The following DNAH7 variants were observed in gnomAD, a reference collection of about 807,000 sequenced individuals.
DNAH7 encodes the protein axonemal beta dynein heavy chain 7.
Under a neutral mutation model 444.6 loss-of-function variants are expected in DNAH7, and 397 were observed. The ratio of observed to expected loss-of-function variants is 0.89; its 90% confidence interval spans 0.82 to 0.97. DNAH7 has a LOEUF of 0.97. Ranked by LOEUF, DNAH7 falls within the 50% of genes least tolerant of loss-of-function variation. The probability of loss-of-function intolerance (pLI) is 0.00; values close to 1 mark genes in which losing one functional copy is unlikely to be tolerated. For synonymous variants in DNAH7, 1,636 were observed against 1,624.4 expected (o/e 1.01, Z -0.17); for missense variants, 4,902 against 4,800.8 (o/e 1.02, Z -0.62).
At chr2:195,742,373 A>G (rs1693096425) in intron 63 of DNAH7, among the ~76,000 whole-genome samples, 1 of 152,222 alleles carries the variant, frequency 6.6e-6, no homozygotes, top group Non-Finnish European at 1.5e-5. Flanking sequence ...AACATTGCCC[A>G]ACAAATTTCT....
chr2:196,018,993 G>T (rs1031591259), intron 9 of DNAH7, among the ~76,000 whole-genome samples, 177 bp downstream of exon 9: 14 of 151,970 alleles, frequency 9.2e-5, no homozygotes, highest in Non-Finnish European at 1.3e-4. Flanking sequence ...TAGAAAAGCA[G>T]TGTTCACTTT....
At chr2:195,820,673 T>C (rs1350503479) in intron 49 of DNAH7, among the ~76,000 whole-genome samples, 3 of 152,146 alleles carry the variant, frequency 2.0e-5, no homozygotes, top group Non-Finnish European at 4.4e-5. Flanking sequence ...GTCCAAAACT[T>C]TTAAACACAT....
At chr2:195,982,258 GCAAAT>G (rs1369188436) in intron 15 of DNAH7, among the ~76,000 whole-genome samples, 1 of 152,126 alleles carries the variant, frequency 6.6e-6, no homozygotes, top group Admixed American at 6.5e-5. Context: ...TCAGAGAAAT[GCAAAT>G]CAAAACTACA....
At chr2:195,923,925 GT>G in intron 22 of DNAH7, 118 bp from the exon 23 acceptor site, 1 of 940,406 alleles carries the variant, frequency 1.1e-6, no homozygotes, top group African/African-American at 1.7e-5. Flanking sequence ...AACTTTCCAT[GT>G]AATACAATTT....
At chr2:195,792,780 G>T (rs76575212) in intron 57 of DNAH7, among the ~76,000 whole-genome samples, 1,572 of 152,016 alleles carry the variant, frequency 0.01, 35 homozygotes, top group East Asian at 0.067. Flanking sequence ...TAATTTACAT[G>T]CACCTGATGT....
At chr2:196,053,713 T>C (rs191091907) in intron 2 of DNAH7, among the ~76,000 whole-genome samples, 66 of 152,342 alleles carry the variant, frequency 4.3e-4, no homozygotes, top group African/African-American at 1.6e-3. Context: ...AAGCCCCCTG[T>C]TGAAGTAGGC....
In DNAH7 at chr2:195,970,066, A is replaced by T. The variant is rs200511593; in HGVS notation, c.2087T>A (p.Leu696Ter). Residue 696 changes from leucine (L) to a stop codon, truncating the protein, a stop_gained, in exon 17 of 65, where the codon TTG (leucine) becomes TAG (stop). Transcript: ENST00000312428. LOFTEE classifies it high-confidence loss of function. The stretch of plus-strand genomic sequence containing the variant: ...TTCTGATTGCTTAGCATAACTCTCC[A>T]ATTCCTCCACAAACCGTTCACACCG... Reference protein sequence around the residue: ...KLRCERFVEELESYAKQSEEF... With the variant: ...KLRCERFVEE The T allele has an allele frequency of 8.7e-6, 14 of 1,611,998 alleles. No individual in the cohort carries two copies. In the African/African-American group the frequency reaches 1.5e-4, roughly 17 times the overall value.
At chr2:195,908,675 T>C (rs1451621022) in intron 25 of DNAH7, among the ~76,000 whole-genome samples, 2 of 152,178 alleles carry the variant, frequency 1.3e-5, no homozygotes, top group African/African-American at 4.8e-5. Flanking sequence ...TATCCATTTC[T>C]CCACTGATGG....
At chr2:195,819,786 G>A (rs189001128) in intron 49 of DNAH7, among the ~76,000 whole-genome samples, 5 of 152,308 alleles carry the variant, frequency 3.3e-5, no homozygotes, top group African/African-American at 1.2e-4. Flanking sequence ...AGAGAAAGAA[G>A]AGGGCAACAT....
intron 10 of DNAH7, among the ~76,000 whole-genome samples, 153 bp downstream of exon 10, chr2:196,012,634 T>C (rs1444760612): frequency 6.6e-6 from 1 of 152,120 alleles, no homozygotes; most frequent in East Asian, 1.9e-4. Flanking sequence ...TGGACAAATA[T>C]TACAGACTAA....
chr2:195,942,831 C>T (rs990732009), intron 19 of DNAH7, among the ~76,000 whole-genome samples: 2 of 152,090 alleles, frequency 1.3e-5, no homozygotes, highest in Non-Finnish European at 2.9e-5. Flanking sequence ...CTGGAGTGGA[C>T]AGAGAACATA....
At chr2:195,782,606 A>G (rs1334218288) in intron 58 of DNAH7, among the ~76,000 whole-genome samples, 1 of 152,196 alleles carries the variant, frequency 6.6e-6, no homozygotes, top group Non-Finnish European at 1.5e-5. Flanking sequence ...TTCCAAAAAA[A>G]ATCGTATTAT....
At chr2:196,053,573 T>A (rs1003993771) in intron 2 of DNAH7, among the ~76,000 whole-genome samples, 6 of 152,048 alleles carry the variant, frequency 3.9e-5, no homozygotes, top group African/African-American at 1.5e-4. Context: ...GTTTAGCAGG[T>A]TTTTAAGAAT....
At chr2:195,953,609 G>A (rs764781304) in intron 19 of DNAH7, among the ~76,000 whole-genome samples, 1 of 152,210 alleles carries the variant, frequency 6.6e-6, no homozygotes, top group Non-Finnish European at 1.5e-5. Flanking sequence ...TGGGGCTGCT[G>A]CCTTTCTTTC....
chr2:195,827,573 C>T (rs1352851006), intron 48 of DNAH7, among the ~76,000 whole-genome samples: 2 of 151,904 alleles, frequency 1.3e-5, no homozygotes, highest in Non-Finnish European at 2.9e-5. Context: ...TGAACTACTG[C>T]CTCCAGCCTA....
chr2:196,004,702 C>A (rs1694250923), intron 10 of DNAH7, among the ~76,000 whole-genome samples: 1 of 151,934 alleles, frequency 6.6e-6, no homozygotes, highest in Non-Finnish European at 1.5e-5. Flanking sequence ...ATAATCCCAG[C>A]ACTTTGGGAG....
intron 49 of DNAH7, 107 bp from the exon 50 acceptor site, chr2:195,817,936 G>T: frequency 1.4e-6 from 1 of 733,542 alleles, no homozygotes. Flanking sequence ...TACTATATAT[G>T]GTAGTACTTG....
intron 57 of DNAH7, among the ~76,000 whole-genome samples, chr2:195,793,118 T>A (rs1695968453): frequency 6.6e-6 from 1 of 151,958 alleles, no homozygotes; most frequent in Non-Finnish European, 1.5e-5. Flanking sequence ...TTTATTTTTA[T>A]AGAGGTAGGG....
intron 15 of DNAH7, among the ~76,000 whole-genome samples, chr2:195,977,918 G>C (rs1382900858): frequency 6.6e-6 from 1 of 152,116 alleles, no homozygotes. Flanking sequence ...AAACATAAAG[G>C]GGAAAGAAGA....
Sources: allele counts gnomAD v4.1 joint callset (sites outside exome capture counted in the v4.1 genomes callset), GRCh38; gene constraint gnomAD v4.1.1; transcripts MANE v1.5; gene names NCBI Gene and HGNC (gene_info 2026-07-23, HGNC 2026-07-21).